The following AFDN variants were observed in gnomAD, a reference collection of about 807,000 sequenced individuals.
AFDN encodes the protein afadin, adherens junction formation factor.
A neutral mutation model predicts 216.6 loss-of-function variants in AFDN; 68 were observed. The observed-to-expected ratio is 0.31, with a 90% confidence interval of 0.26 to 0.38. The LOEUF is 0.38. AFDN is among the 10% of genes least tolerant of loss of function. The pLI, the probability that AFDN is intolerant of heterozygous loss-of-function variation, is 1.00. For missense variants in AFDN, 2,136 were observed against 2,342.0 expected (o/e 0.91, Z 1.82); for synonymous variants, 868 against 853.7 (o/e 1.02, Z -0.29).
intron 1 of AFDN, among the ~76,000 whole-genome samples, chr6:167,834,750 C>T (rs551739723): frequency 2.6e-4 from 39 of 152,158 alleles, no homozygotes; most frequent in Admixed American, 7.2e-4. Context: ...GAGGCCAAGG[C>T]AGGAGTATTG....
intron 30 of AFDN, among the ~76,000 whole-genome samples, chr6:167,954,126 A>G (rs528187456): frequency 6.4e-4 from 97 of 152,364 alleles, no homozygotes; most frequent in African/African-American, 2.3e-3. Context: ...AAAGTTTCTT[A>G]TGAAAATTTA....
Position 167,915,221 on chromosome 6 carries a change from G to A in AFDN, c.2353G>A (p.Val785Ile). ...GAMSLLRRCR[V>I]NAALTIQLFS... ...CATGTCCTTGCTACGACGCTGCAGA[G>A]TCAATGCCGCCCTGACCATCCAGCT... The change falls in exon 19 of 34, where the codon GTC (valine) becomes ATC (isoleucine). Residue 785 changes from valine to isoleucine, a missense_variant. Val to Ile is a conservative substitution (Grantham distance 29). Coordinates refer to ENST00000683244, the MANE Select transcript of AFDN (RefSeq NM_001386888.1). 1 of 1,614,236 alleles carries A rather than the reference G, an allele frequency of 6.2e-7. No homozygotes were observed. The highest frequency in any genetic ancestry group is 8.5e-7 in the Non-Finnish European group (1 of 1,180,036).
chr6:167,965,843 C>G lies in AFDN; in HGVS notation c.5055C>G (p.Pro1685=), dbSNP rs1446030327. The change falls in exon 32 of 34, where the codon CCC becomes CCG. Residue 1685 remains proline (P), a synonymous_variant. Coordinates refer to ENST00000683244, the MANE Select transcript of AFDN (RefSeq NM_001386888.1). ...HDEAARRLLE[P]EAPGLCRPPL... is the part of the protein sequence containing the mutation. ...AGGCGGCGCGCAGGTTGCTGGAGCCCGAGGCGCCCGGTCTGTGCCGCCCTC... is the reference window on the plus strand; with the variant it reads ...AGGCGGCGCGCAGGTTGCTGGAGCCGGAGGCGCCCGGTCTGTGCCGCCCTC... The G allele has an allele frequency of 6.4e-7, 1 of 1,550,492 alleles. No individual in the cohort carries two copies. The highest frequency in any genetic ancestry group is 8.7e-7 in the Non-Finnish European group (1 of 1,147,096).
At chr6:167,949,929 A>G (rs967111050) in intron 29 of AFDN, among the ~76,000 whole-genome samples, 4 of 152,144 alleles carry the variant, frequency 2.6e-5, no homozygotes, top group African/African-American at 9.7e-5. Flanking sequence ...AAAAGTTATG[A>G]TGGGGTTTAA....
At chr6:167,885,566 A>G (rs1214514114) in intron 6 of AFDN, among the ~76,000 whole-genome samples, 1 of 152,246 alleles carries the variant, frequency 6.6e-6, no homozygotes, top group South Asian at 2.1e-4. Context: ...TTGCCATCTT[A>G]TATGGGTGCA....
At chr6:167,966,281 AAG>A (rs986587819) in intron 32 of AFDN, 3 of 1,498,722 alleles carry the variant, frequency 2.0e-6, no homozygotes, top group African/African-American at 2.8e-5. Context: ...GTAGAGGTAA[AAG>A]AGTGACAAAT....
chr6:167,924,491 G>A (rs547154162), intron 22 of AFDN, among the ~76,000 whole-genome samples: 16 of 152,268 alleles, frequency 1.1e-4, no homozygotes, highest in African/African-American at 3.6e-4. Context: ...GTCCTGCAGC[G>A]GCCCTGGTGC....
intron 9 of AFDN, among the ~76,000 whole-genome samples, chr6:167,894,964 T>A (rs979583211): frequency 3.3e-5 from 5 of 152,248 alleles, no homozygotes; most frequent in African/African-American, 1.2e-4. Context: ...TATTTACTGC[T>A]TTTGCTTTCT....
At chr6:167,861,608 T>C (rs1426262232) in intron 1 of AFDN, among the ~76,000 whole-genome samples, 1 of 152,226 alleles carries the variant, frequency 6.6e-6, no homozygotes, top group Non-Finnish European at 1.5e-5. Flanking sequence ...TAAGGAATTT[T>C]CATGAAGGTG....
rs1791523762 is a variant in AFDN, at chr6:167,919,553, CT to C, written c.2908+621del. On this transcript the variant is annotated intron_variant, in intron 21 of 33. Coordinates refer to ENST00000683244, the MANE Select transcript of AFDN (RefSeq NM_001386888.1). ...AGTGCTGCTGCTGCTGTGGCCAGCA[CT>C]GCCAAGCTGGCTTGCGCCTGTGTGC... is the stretch of plus-strand genomic sequence containing the variant. Among the ~76,000 whole-genome samples the C allele has an allele frequency of 4.6e-5, 7 of 152,378 alleles. No homozygotes were observed. In the South Asian group the frequency reaches 1.4e-3, roughly 32 times the overall value.
At chr6:167,827,435 T>C (rs2128044516) in intron 1 of AFDN, among the ~76,000 whole-genome samples, 198 bp downstream of exon 1, 1 of 138,478 alleles carries the variant, frequency 7.2e-6, no homozygotes, top group Non-Finnish European at 1.6e-5. Flanking sequence ...CCTGCCGCGG[T>C]GTATCCCGGG....
At position 167,947,862 on chromosome 6, in the gene AFDN, C is replaced by T; in HGVS notation, c.3563C>T (p.Pro1188Leu). Residue 1188 changes from proline to leucine, a missense_variant, in exon 28 of 34, where the codon CCT becomes CTT. By Grantham distance (98) the Pro-to-Leu change is moderately conservative. This residue lies in a region of AFDN where 981 missense variants were observed against 966.0 expected (regional missense o/e 1.02). Transcript: ENST00000683244. ...RSSPNVANQP[P>L]SPGGKSAYAS... Reference sequence around the variant, plus strand: ...CCCCTGACTTGAGCAGATCAGCCTCCTAGTCCTGGAGGGAAAAGTGCATAT... The same window carrying T: ...CCCCTGACTTGAGCAGATCAGCCTCTTAGTCCTGGAGGGAAAAGTGCATAT... The T allele has an allele frequency of 4.3e-6, 7 of 1,612,312 alleles. No homozygotes were observed. Among genetic ancestry groups the T allele is most frequent in the Non-Finnish European group, 5.9e-6 (7 of 1,178,616 alleles).
At position 167,860,076 on chromosome 6, in the gene AFDN, C is replaced by T. The variant is rs556881987; in HGVS notation, c.106-4475C>T. ...TGATCATAGGCAGTTATTATCTTACCTATTCTAAATAGAAACTTCTTTCTG... is the reference window on the plus strand; with the variant it reads ...TGATCATAGGCAGTTATTATCTTACTTATTCTAAATAGAAACTTCTTTCTG... On this transcript the variant is annotated intron_variant, in intron 1 of 33. Coordinates refer to ENST00000683244, the MANE Select transcript of AFDN (RefSeq NM_001386888.1). Among the ~76,000 whole-genome samples, 3 of 150,716 alleles carry T rather than the reference C, an allele frequency of 2.0e-5. No individual in the cohort carries two copies. In the East Asian group the frequency reaches 5.9e-4, roughly 29 times the overall value.
intron 15 of AFDN, chr6:167,912,143 T>C (rs911752911): frequency 6.6e-5 from 10 of 152,364 alleles, no homozygotes; most frequent in African/African-American, 2.4e-4. Flanking sequence ...TTTCAGAAGA[T>C]AAAGGTATTT....
At chr6:167,910,999 G>A (rs954469753) in intron 13 of AFDN, 102 bp from the exon 14 acceptor site, 4 of 903,196 alleles carry the variant, frequency 4.4e-6, no homozygotes, top group East Asian at 2.4e-5. Flanking sequence ...GGAAAGATTA[G>A]TATATAGATT....
chr6:167,963,772 G>GT (rs1380742296), intron 31 of AFDN: 12 of 1,062,192 alleles, frequency 1.1e-5, no homozygotes, highest in Non-Finnish European at 1.1e-6. Context: ...TTTCACTTGT[G>GT]TAATGGTAAG....
rs1779170930 is a variant in AFDN at position 167,827,104 on chromosome 6, CG to C, written c.-28del. The C allele has an allele frequency of 1.7e-6, 2 of 1,204,260 alleles. No homozygotes were observed. Among genetic ancestry groups the C allele is most frequent in the Non-Finnish European group, 1.1e-6 (1 of 938,142 alleles). 74.6% of individuals were successfully genotyped at this position (1,204,260 alleles called of 1,614,324 possible). Reference sequence around the variant, plus strand: ...TCGGCCCGTCCTCCGGCCCCGGCCCCGCGCGGCTGAGGAGGCGCGGCCAGGA... The same window carrying C: ...TCGGCCCGTCCTCCGGCCCCGGCCCCCGCGGCTGAGGAGGCGCGGCCAGGA... On this transcript the variant is annotated 5_prime_UTR_variant, in exon 1 of 34. Coordinates refer to ENST00000683244, the MANE Select transcript of AFDN (RefSeq NM_001386888.1).
At chr6:167,833,148 G>A (rs572483775) in intron 1 of AFDN, among the ~76,000 whole-genome samples, 4 of 152,222 alleles carry the variant, frequency 2.6e-5, no homozygotes, top group African/African-American at 7.2e-5. Flanking sequence ...CTTTTTTGTG[G>A]GTGTTTTAAA....
chr6:167,887,455 T>C (rs937059212), intron 6 of AFDN, among the ~76,000 whole-genome samples: 5 of 151,498 alleles, frequency 3.3e-5, no homozygotes, highest in Non-Finnish European at 7.4e-5. Flanking sequence ...TTTTTTTTTT[T>C]TTTCTTTTTT....
Sources: allele counts gnomAD v4.1 joint callset (sites outside exome capture counted in the v4.1 genomes callset), GRCh38; gene constraint gnomAD v4.1.1; regional missense constraint gnomAD v4.1.1; transcripts MANE v1.5; gene names NCBI Gene and HGNC (gene_info 2026-07-23, HGNC 2026-07-21).